The following KIFAP3 variants were observed in gnomAD, a reference collection of about 807,000 sequenced individuals.
KIFAP3 encodes the protein kinesin-associated protein 3.
In KIFAP3, 68 loss-of-function variants were observed where a neutral mutation model predicts 106.5. The ratio of observed to expected loss-of-function variants is 0.64; its 90% CI spans 0.53 to 0.78. The LOEUF (loss-of-function observed/expected upper bound fraction) is 0.78. Among genes scored for constraint, KIFAP3 ranks in the 30% least tolerant of loss-of-function variants. The pLI, the probability that KIFAP3 is intolerant of heterozygous loss-of-function variation, is 0.00. For missense variants in KIFAP3, 780 were observed against 941.8 expected (o/e 0.83, Z 2.25); for synonymous variants, 320 against 311.5 (o/e 1.03, Z -0.29).
intron 9 of KIFAP3, among the ~76,000 whole-genome samples, chr1:170,023,419 C>T (rs1048182875): frequency 5.9e-5 from 9 of 152,022 alleles, no homozygotes; most frequent in Non-Finnish European, 1.0e-4. Flanking sequence ...GGAGAAGCCA[C>T]TTTTGCCAGT....
chr1:169,948,526 G>C (rs894583344), intron 19 of KIFAP3, among the ~76,000 whole-genome samples: 2 of 151,942 alleles, frequency 1.3e-5, no homozygotes, highest in African/African-American at 4.8e-5. Context: ...TTCTTACAAT[G>C]CTGAACAAAT....
chr1:169,977,948 G>C, intron 16 of KIFAP3, 137 bp downstream of exon 16: 1 of 652,560 alleles, frequency 1.5e-6, no homozygotes. Context: ...ATGGAAAATA[G>C]GTTATCTTGT....
At chr1:170,053,537 A>AAAAAC (rs1164939251) in intron 2 of KIFAP3, among the ~76,000 whole-genome samples, 1 of 152,134 alleles carries the variant, frequency 6.6e-6, no homozygotes, top group Admixed American at 6.5e-5. Flanking sequence ...GTTCTAAGCA[A>AAAAAC]AAAACAAAAC....
intron 19 of KIFAP3, among the ~76,000 whole-genome samples, chr1:169,941,059 G>A (rs1286097052): frequency 3.3e-5 from 5 of 152,016 alleles, no homozygotes; most frequent in South Asian, 2.1e-4. Context: ...GCAAAGAAAC[G>A]AAGAAGCAAA....
At chr1:170,002,181 TG>T (rs755399978) in intron 10 of KIFAP3, among the ~76,000 whole-genome samples, 3 of 152,190 alleles carry the variant, frequency 2.0e-5, no homozygotes, top group Non-Finnish European at 2.9e-5. Flanking sequence ...TGACCTGGTC[TG>T]ACTCCTTACA....
chr1:170,031,234 A>T (rs552152628), intron 8 of KIFAP3, among the ~76,000 whole-genome samples: 13 of 151,858 alleles, frequency 8.6e-5, no homozygotes, highest in African/African-American at 2.9e-4. Flanking sequence ...TATTTAAAAA[A>T]CTCAGTGTAG....
At chr1:170,079,314 C>T (rs1352040108), upstream of KIFAP3, among the ~76,000 whole-genome samples, 2 of 152,174 alleles carry the variant, frequency 1.3e-5, no homozygotes, top group Non-Finnish European at 2.9e-5. Context: ...CTGAAGCCCT[C>T]ACCAGAAGCA....
chr1:170,027,609 G>C (rs1175213396), intron 8 of KIFAP3, among the ~76,000 whole-genome samples: 1 of 152,076 alleles, frequency 6.6e-6, no homozygotes, highest in Non-Finnish European at 1.5e-5. Flanking sequence ...AAAAAGATTA[G>C]TGAAACTGAA....
chr1:170,052,345 T>G (rs547072514), intron 2 of KIFAP3, among the ~76,000 whole-genome samples: 3 of 152,230 alleles, frequency 2.0e-5, no homozygotes, highest in African/African-American at 7.2e-5. Flanking sequence ...CAGTAATTAA[T>G]AGCTTACCAA....
chr1:170,079,456 G>T (rs1309408147), upstream of KIFAP3, among the ~76,000 whole-genome samples: 3 of 151,858 alleles, frequency 2.0e-5, no homozygotes, highest in African/African-American at 7.3e-5. Context: ...ACAATATAAA[G>T]GTAAAAAATC....
intron 19 of KIFAP3, among the ~76,000 whole-genome samples, chr1:169,941,363 T>A (rs1447922113): frequency 1.3e-5 from 2 of 152,190 alleles, no homozygotes; most frequent in Non-Finnish European, 2.9e-5. Flanking sequence ...GATCCTCTTT[T>A]TATCAGGAGA....
chr1:170,085,075 G>A (rs1672081655), exon 1 of KIFAP3: 1 of 152,176 alleles, frequency 6.6e-6, no homozygotes, highest in Admixed American at 6.5e-5. Flanking sequence ...GGCCAGTGGG[G>A]CCCAAGGAGC....
At chr1:170,027,550 T>A (rs1053884730) in intron 8 of KIFAP3, among the ~76,000 whole-genome samples, 2 of 152,076 alleles carry the variant, frequency 1.3e-5, no homozygotes, top group Non-Finnish European at 2.9e-5. Context: ...ACTACAATGC[T>A]TGAGACTATA....
chr1:170,009,622 C>G (rs1668145789), intron 10 of KIFAP3, among the ~76,000 whole-genome samples: 1 of 152,094 alleles, frequency 6.6e-6, no homozygotes, highest in African/African-American at 2.4e-5. Context: ...AGAGGTGCAA[C>G]AAAATATATG....
In KIFAP3 at chr1:170,034,360, C is replaced by T; in HGVS notation, c.742+12G>A. On this transcript the variant is annotated intron_variant, in intron 7 of 19. Transcript: ENST00000361580. ...GACAACAGACGGTTCAAATGCCACT[C>T]TAAAAGGATATCAGCTTTCTTCTTC... 6.2e-7 allele frequency: 1 copy of T among 1,602,612 alleles called. No homozygotes were observed. Among genetic ancestry groups the T allele is most frequent in the Non-Finnish European group, 8.5e-7 (1 of 1,175,192 alleles).
chr1:169,983,254 C>T lies in KIFAP3; in HGVS notation c.1506+16G>A. On this transcript the variant is annotated intron_variant, in intron 13 of 19. Coordinates refer to ENST00000361580, the MANE Select transcript of KIFAP3 (RefSeq NM_014970.4). The stretch of plus-strand genomic sequence containing the variant: ...ATTCCCAGTCTATTTGAATAGAAAG[C>T]CAAAATGATACTTACAATAAACAGA... The T allele has an allele frequency of 2.7e-6, 4 of 1,471,190 alleles. No individual in the cohort carries two copies. The highest frequency in any genetic ancestry group is 3.8e-6 in the Non-Finnish European group (4 of 1,062,370). 91.1% of individuals were successfully genotyped at this position (1,471,190 alleles called of 1,614,324 possible).
intron 7 of KIFAP3, among the ~76,000 whole-genome samples, chr1:170,032,609 G>A (rs375981494): frequency 6.6e-6 from 1 of 151,688 alleles, no homozygotes; most frequent in Admixed American, 6.6e-5. Flanking sequence ...TATGAGTCAA[G>A]CATATGACCC....
chr1:169,954,145 T>C, intron 18 of KIFAP3, 35 bp from the exon 19 acceptor site: 2 of 1,278,314 alleles, frequency 1.6e-6, no homozygotes, highest in Non-Finnish European at 2.3e-6. Flanking sequence ...CAGTAAAACA[T>C]ATGTGTAGGA....
At chr1:169,996,901 T>C (rs1356939256) in intron 10 of KIFAP3, among the ~76,000 whole-genome samples, 2 of 152,144 alleles carry the variant, frequency 1.3e-5, no homozygotes, top group Non-Finnish European at 2.9e-5. Flanking sequence ...TTCCAATGGA[T>C]GAAAGAATTT....
Sources: gnomAD v4.1 joint callset for allele counts (sites outside exome capture counted in the v4.1 genomes callset) on GRCh38, gnomAD v4.1.1 for gene constraint, MANE v1.5 for transcripts, NCBI Gene and HGNC (gene_info 2026-07-23, HGNC 2026-07-21) for gene names.